KLF5: variants seen among roughly 807,000 people sequenced by gnomAD.
KLF5 encodes KLF transcription factor 5.
In KLF5, 9 loss-of-function variants were observed where a neutral mutation model predicts 36.9. The observed-to-expected ratio is 0.24, with a 90% CI of 0.15 to 0.43. KLF5 has a LOEUF of 0.43. Ranked by LOEUF, KLF5 falls within the 20% of genes least tolerant of loss-of-function variation. KLF5 has a pLI of 1.00. For missense variants in KLF5, 524 were observed against 599.5 expected (o/e 0.87, Z 1.31); for synonymous variants, 246 against 241.7 (o/e 1.02, Z -0.17).
upstream of KLF5, among the ~76,000 whole-genome samples, chr13:73,057,725 G>A (rs765861057): frequency 6.6e-6 from 1 of 152,114 alleles, no homozygotes; most frequent in Non-Finnish European, 1.5e-5. Context: ...ATAGGCTGTG[G>A]TATATGTAAA....
At chr13:73,057,847 A>G (rs1346523089), upstream of KLF5, among the ~76,000 whole-genome samples, 4 of 152,244 alleles carry the variant, frequency 2.6e-5, no homozygotes, top group Non-Finnish European at 5.9e-5. Flanking sequence ...AAAATCATGT[A>G]CAAGAACATT....
At position 73,076,070 on chromosome 13, in the gene KLF5, T is replaced by C. The variant is rs1369777994; in HGVS notation, c.*184T>C. 14 of 511,348 alleles carry C rather than the reference T, an allele frequency of 2.7e-5. No individual in the cohort carries two copies. Among genetic ancestry groups the C allele is most frequent in the Non-Finnish European group, 1.6e-5 (5 of 307,528 alleles). The allele number at this position is 511,348 out of a possible 1,614,324, so 31.7% of individuals were successfully genotyped here. On this transcript the variant is annotated 3_prime_UTR_variant, in exon 4 of 4. Coordinates refer to ENST00000377687, the MANE Select transcript of KLF5 (RefSeq NM_001730.5). ...GTATTAATACCAAAGTGTTTGGTCA[T>C]TTTAAGAATCTGGAATGCTTGCTGT...
At chr13:73,070,936 G>A (rs1205899305) in intron 3 of KLF5, among the ~76,000 whole-genome samples, 2 of 152,176 alleles carry the variant, frequency 1.3e-5, no homozygotes, top group African/African-American at 2.4e-5. Flanking sequence ...GTCCACAGAA[G>A]AATAAAAAGC....
rs1162608789 is a variant in KLF5, at chr13:73,059,247, C to T, written c.-81C>T. 1.6e-6 allele frequency: 2 copies of T among 1,240,008 alleles called. No homozygotes were observed. The highest frequency in any genetic ancestry group is 3.1e-5 in the African/African-American group (2 of 63,958). 76.8% of individuals were successfully genotyped at this position (1,240,008 alleles called of 1,614,324 possible). A position where few individuals can be genotyped will look rare whatever the true frequency, so the allele number is the denominator to read the frequency against. ...CCCCTCCTCCGCCGGCAGCCCCGCG[C>T]TGAGCTCGCCGACCCAAGCCAGCGT... On this transcript the variant is annotated 5_prime_UTR_variant, in exon 1 of 4. Coordinates refer to ENST00000377687, the MANE Select transcript of KLF5 (RefSeq NM_001730.5).
intron 3 of KLF5, among the ~76,000 whole-genome samples, chr13:73,067,910 G>A (rs977707802): frequency 1.2e-4 from 18 of 150,000 alleles, no homozygotes; most frequent in Non-Finnish European, 4.4e-5. Flanking sequence ...GTGCGATCTC[G>A]GCTCACTGCA....
In KLF5 at chr13:73,062,060, A is replaced by G. The variant is rs1594393119; in HGVS notation, c.461A>G (p.Gln154Arg). 6.2e-7 allele frequency: 1 copy of G among 1,614,142 alleles called. No homozygotes were observed. Among genetic ancestry groups the G allele is most frequent in the South Asian group, 1.1e-5 (1 of 91,088 alleles). Residue 154 changes from glutamine (Q) to arginine (R), a missense_variant, in exon 2 of 4, where the codon CAG becomes CGG. Transcript: ENST00000377687. ...CTGAGAACTGGCCTCTACAAATCCC[A>G]GAGACCGTGCGTAACACACATCAAG... ...THLRTGLYKSQRPCVTHIKTE... is the reference protein window; with the variant it reads ...THLRTGLYKSRRPCVTHIKTE...
At chr13:73,070,164 CTT>C (rs113759843) in intron 3 of KLF5, among the ~76,000 whole-genome samples, 3 of 152,206 alleles carry the variant, frequency 2.0e-5, no homozygotes, top group African/African-American at 7.2e-5. Context: ...CAGTAGGTAA[CTT>C]TTACCTAAAA....
intron 3 of KLF5, 30 bp downstream of exon 3, chr13:73,063,913 T>C (rs2044659212): frequency 2.1e-6 from 3 of 1,421,878 alleles, no homozygotes; most frequent in Non-Finnish European, 3.0e-6. Flanking sequence ...ATTCTGTGAG[T>C]TGTGTAAATA....
chr13:73,071,412 C>T (rs1425333265), intron 3 of KLF5, among the ~76,000 whole-genome samples: 1 of 152,108 alleles, frequency 6.6e-6, no homozygotes, highest in Non-Finnish European at 1.5e-5. Flanking sequence ...GCTAATAATA[C>T]TAATCTTTGA....
chr13:73,062,772 A>AGTGTGTGT (rs113148226), intron 2 of KLF5, 38 bp downstream of exon 2: 216 of 1,438,838 alleles, frequency 1.5e-4, no homozygotes, highest in East Asian at 1.2e-3. Context: ...CAATAGATGT[A>AGTGTGTGT]GTGTGTGTGT....
At chr13:73,065,737 G>A (rs2044673911) in intron 3 of KLF5, among the ~76,000 whole-genome samples, 1 of 152,170 alleles carries the variant, frequency 6.6e-6, no homozygotes, top group South Asian at 2.1e-4. Flanking sequence ...ACTTTTGGAA[G>A]TCCTTGAGAG....
chr13:73,063,688 T>C (rs746561157), intron 2 of KLF5, 136 bp from the exon 3 acceptor site: 15 of 637,436 alleles, frequency 2.4e-5, no homozygotes, highest in Non-Finnish European at 4.1e-5. Flanking sequence ...TTTAAAACTT[T>C]TAAAACTGAA....
intron 2 of KLF5, among the ~76,000 whole-genome samples, chr13:73,063,084 T>TA (rs1439197988): frequency 6.6e-6 from 1 of 152,188 alleles, no homozygotes; most frequent in Non-Finnish European, 1.5e-5. Context: ...AGGCCAGAGT[T>TA]ACTTTAAAAT....
chr13:73,070,476 CATTAACTCTA>C (rs1478407511), intron 3 of KLF5, among the ~76,000 whole-genome samples: 1 of 152,160 alleles, frequency 6.6e-6, no homozygotes, highest in East Asian at 1.9e-4. Context: ...TATTTGATTT[CATTAACTCTA>C]TTAATGACAG....
At chr13:73,067,987 C>T (rs897457545) in intron 3 of KLF5, among the ~76,000 whole-genome samples, 1 of 151,886 alleles carries the variant, frequency 6.6e-6, no homozygotes, top group Non-Finnish European at 1.5e-5. Flanking sequence ...ATTACAGGCG[C>T]CTGCCACCAC....
Position 73,059,507 on chromosome 13 carries a change from G to T in KLF5, c.180G>T (p.Ala60=), listed in dbSNP as rs1315943737. The T allele has an allele frequency of 4.1e-6, 5 of 1,214,898 alleles. No homozygotes were observed. The East Asian group carries it at 1.4e-4, about 34-fold the overall frequency. 75.3% of individuals were successfully genotyped at this position (1,214,898 alleles called of 1,614,324 possible). Reference sequence around the variant, plus strand: ...AGCACGCGCACCACCGCCCGCAGGCGCAGCCCGCGCCCGCGCAGGCCCCGC... The same window carrying T: ...AGCACGCGCACCACCGCCCGCAGGCTCAGCCCGCGCCCGCGCAGGCCCCGC... ...ELKHAHHRPQ[A]QPAPAQAPQP... is the part of the protein sequence containing the mutation. The change falls in exon 1 of 4, where the codon GCG becomes GCT. Residue 60 remains alanine (A), a synonymous_variant. Coordinates refer to ENST00000377687, the MANE Select transcript of KLF5 (RefSeq NM_001730.5).
chr13:73,070,486 A>G (rs1003473305), intron 3 of KLF5, among the ~76,000 whole-genome samples: 4 of 152,226 alleles, frequency 2.6e-5, no homozygotes, highest in Admixed American at 6.5e-5. Context: ...CATTAACTCT[A>G]TTAATGACAG....
intron 3 of KLF5, among the ~76,000 whole-genome samples, chr13:73,074,480 C>T (rs2044745520): frequency 6.6e-6 from 1 of 152,064 alleles, no homozygotes; most frequent in Non-Finnish European, 1.5e-5. Context: ...AAATTTATCT[C>T]ACGAATTCTT....
At chr13:73,065,852 A>G (rs1249563837) in intron 3 of KLF5, among the ~76,000 whole-genome samples, 1 of 152,254 alleles carries the variant, frequency 6.6e-6, no homozygotes, top group African/African-American at 2.4e-5. Context: ...AGTCAAACCC[A>G]TATCTGAATA....
Sources: gnomAD v4.1 joint callset for allele counts (sites outside exome capture counted in the v4.1 genomes callset) on GRCh38, gnomAD v4.1.1 for gene constraint, MANE v1.5 for transcripts, NCBI Gene and HGNC (gene_info 2026-07-23, HGNC 2026-07-21) for gene names.